The following USP3 variants were observed in gnomAD, a reference collection of about 807,000 sequenced individuals.
USP3 encodes the protein ubiquitin specific peptidase 3, also known as ubiquitin carboxyl-terminal hydrolase 3.
Under a neutral mutation model 72.3 loss-of-function variants are expected in USP3, and 20 were observed. The ratio of observed to expected loss-of-function variants is 0.28; its 90% CI spans 0.19 to 0.40. The LOEUF (loss-of-function observed/expected upper bound fraction) is 0.40, where lower values mean the gene tolerates loss of function less well. Ranked by LOEUF, USP3 falls within the 10% of genes least tolerant of loss-of-function variation. The probability of loss-of-function intolerance (pLI) is 1.00; values close to 1 mark genes in which losing one functional copy is unlikely to be tolerated. For synonymous variants in USP3, 222 were observed against 225.3 expected, an observed-to-expected ratio of 0.99 and a Z score of 0.13; for missense variants, 479 against 633.9, an observed-to-expected ratio of 0.76 and a Z score of 2.62.
At chr15:63,505,484 C>T (rs1035280709) in intron 1 of USP3, among the ~76,000 whole-genome samples, 7 of 152,214 alleles carry the variant, frequency 4.6e-5, no homozygotes, top group African/African-American at 1.7e-4. Flanking sequence ...CTGAGAAGCT[C>T]GGAGGCTGAG....
intron 1 of USP3, chr15:63,515,485 T>G (rs766178569): frequency 6.6e-6 from 1 of 152,178 alleles, no homozygotes; most frequent in African/African-American, 2.4e-5. Context: ...CAGATGCCCC[T>G]CTCTTCTTTG....
Position 63,528,908 on chromosome 15 carries a change from C to T in USP3, c.92-3739C>T, listed in dbSNP as rs2066024709. ...ATTTGTCCTGGGTACATTAAAGGTT[C>T]TTAATTTGGATGAAGCATGTATAAA... On this transcript the variant is annotated intron_variant, in intron 1 of 14. Transcript: ENST00000380324. The surrounding 1 kb of genome is among the most constrained non-coding windows in gnomAD (Gnocchi z 4.3). The T allele has an allele frequency of 1.2e-6, 1 of 838,352 alleles. No individual in the cohort carries two copies. The highest frequency in any genetic ancestry group is 3.5e-5 in the Admixed American group (1 of 28,868). 51.9% of individuals were successfully genotyped at this position (838,352 alleles called of 1,614,324 possible). A position where few individuals can be genotyped will look rare whatever the true frequency, so the allele number is the denominator to read the frequency against.
At chr15:63,523,970 C>T (rs560944516) in intron 1 of USP3, among the ~76,000 whole-genome samples, 1 of 152,150 alleles carries the variant, frequency 6.6e-6, no homozygotes, top group African/African-American at 2.4e-5. Context: ...ATTTCTGCCA[C>T]TGTTTATGGC....
chr15:63,569,531 A>G (rs28661116), intron 8 of USP3, among the ~76,000 whole-genome samples: 76,124 of 152,058 alleles, frequency 0.5, 19,944 homozygotes, highest in Non-Finnish European at 0.56. Context: ...TCTTAAGATG[A>G]CACCAGAAAA....
chr15:63,558,265 C>T lies in USP3; in HGVS notation c.533+77C>T, dbSNP rs1286591630. On this transcript the variant is annotated intron_variant, in intron 6 of 14. Transcript: ENST00000380324. The stretch of plus-strand genomic sequence containing the variant: ...GGCTCTGGCTCCCTATCTCGTCTGC[C>T]ACTAACTCTAGTCATATGGTTTGGA... 7 of 1,481,786 alleles carry T rather than the reference C, an allele frequency of 4.7e-6. No individual in the cohort carries two copies. The East Asian group carries it at 1.6e-4, about 34-fold the overall frequency. The allele number at this position is 1,481,786 out of a possible 1,614,324, so 91.8% of individuals were successfully genotyped here. A position where few individuals can be genotyped will look rare whatever the true frequency, so the allele number is the denominator to read the frequency against.
At chr15:63,558,013 G>C in intron 5 of USP3, 93 bp from the exon 6 acceptor site, 1 of 1,326,978 alleles carries the variant, frequency 7.5e-7, no homozygotes, top group Non-Finnish European at 1.1e-6. Flanking sequence ...TTGGCTTGGT[G>C]CTAGATTTCA....
At chr15:63,521,814 T>C (rs1201337090) in intron 1 of USP3, among the ~76,000 whole-genome samples, 3 of 152,208 alleles carry the variant, frequency 2.0e-5, no homozygotes, top group Admixed American at 1.3e-4. Flanking sequence ...AAGACAATTA[T>C]ACATGGGATA....
chr15:63,570,629 T>A lies in USP3; in HGVS notation c.908+50T>A, dbSNP rs759076971. ...TTTAGGAGGGCCTCAGACATTTCTT[T>A]TGGTGTTAATTATGTGTTAGATTTA... On this transcript the variant is annotated intron_variant, in intron 9 of 14. Coordinates refer to ENST00000380324, the MANE Select transcript of USP3 (RefSeq NM_006537.4). The surrounding 1 kb of genome is among the most constrained non-coding windows in gnomAD (Gnocchi z 4.4). The A allele has an allele frequency of 1.3e-6, 2 of 1,558,930 alleles. No individual in the cohort carries two copies. The highest frequency in any genetic ancestry group is 2.7e-5 in the African/African-American group (2 of 72,922).
At chr15:63,519,269 C>T (rs2065888136) in intron 1 of USP3, among the ~76,000 whole-genome samples, 1 of 151,924 alleles carries the variant, frequency 6.6e-6, no homozygotes, top group South Asian at 2.1e-4. Context: ...GTTGTCATAG[C>T]TCTTTAGTTT....
chr15:63,585,519 C>T (rs558315433), intron 11 of USP3, among the ~76,000 whole-genome samples: 91 of 152,094 alleles, frequency 6.0e-4, no homozygotes, highest in Non-Finnish European at 1.1e-3. Flanking sequence ...ACAATGAATA[C>T]ATTGTTAGTG....
chr15:63,515,185 AT>A (rs1407980788), intron 1 of USP3, among the ~76,000 whole-genome samples: 1 of 152,188 alleles, frequency 6.6e-6, no homozygotes, highest in Non-Finnish European at 1.5e-5. Context: ...CAGTTCCAGT[AT>A]TTAAAATGAA....
intron 1 of USP3, among the ~76,000 whole-genome samples, chr15:63,526,010 A>T (rs1218602164): frequency 6.6e-6 from 1 of 152,208 alleles, no homozygotes; most frequent in Non-Finnish European, 1.5e-5. Flanking sequence ...AAAATTTAGA[A>T]TAAGTTCATT....
intron 1 of USP3, among the ~76,000 whole-genome samples, chr15:63,522,890 G>C (rs537022075): frequency 2.0e-5 from 3 of 152,162 alleles, no homozygotes; most frequent in African/African-American, 7.2e-5. Flanking sequence ...TAGTGAACCA[G>C]GATTTAATGT....
Position 63,591,020 on chromosome 15 carries a change from A to AAATCAAAACATCTGCT in USP3, c.*194_*195insAATCAAAACATCTGCT. 1.7e-6 allele frequency: 1 copy of AAATCAAAACATCTGCT among 588,966 alleles called. No individual in the cohort carries two copies. Among genetic ancestry groups the AAATCAAAACATCTGCT allele is most frequent in the Non-Finnish European group, 2.6e-6 (1 of 379,552 alleles). 36.5% of individuals were successfully genotyped at this position (588,966 alleles called of 1,614,324 possible). The stretch of plus-strand genomic sequence containing the variant: ...TGTTGTTCTACCAGAAAACCTCAGC[A>AAATCAAAACATCTGCT]GATGTTTTGATTTGCTGCTTTAGTT... On this transcript the variant is annotated 3_prime_UTR_variant, in exon 15 of 15. Coordinates refer to ENST00000380324, the MANE Select transcript of USP3 (RefSeq NM_006537.4).
At chr15:63,525,274 G>A (rs889956692) in intron 1 of USP3, among the ~76,000 whole-genome samples, 1 of 152,178 alleles carries the variant, frequency 6.6e-6, no homozygotes, top group Admixed American at 6.5e-5. Flanking sequence ...GACCACTTTG[G>A]ATTTGGTGCT....
Position 63,574,573 on chromosome 15 carries a change from A to G in USP3, c.1096+170A>G, listed in dbSNP as rs944183914. On this transcript the variant is annotated intron_variant, in intron 11 of 14. Transcript: ENST00000380324. This position sits in a 1 kb window ranked among gnomAD's most constrained non-coding sequence, Gnocchi z 4.6. ...CCTACTCCCCAAAATGTTATTGAAT[A>G]AGAATGTGTGCCATAAGATATTGTG... Among the ~76,000 whole-genome samples, 4 of 152,226 alleles carry G rather than the reference A, an allele frequency of 2.6e-5. No homozygotes were observed. The highest frequency in any genetic ancestry group is 6.5e-5 in the Admixed American group (1 of 15,280).
intron 4 of USP3, among the ~76,000 whole-genome samples, chr15:63,554,387 T>C (rs972768148): frequency 1.3e-5 from 2 of 152,208 alleles, no homozygotes; most frequent in African/African-American, 2.4e-5. Context: ...CAGACTTTTA[T>C]TGGTATAGTC....
chr15:63,510,058 C>T (rs2065761897), intron 1 of USP3, among the ~76,000 whole-genome samples: 1 of 152,138 alleles, frequency 6.6e-6, no homozygotes. Context: ...GCTTGTACAC[C>T]ATTAGCCTTA....
At chr15:63,511,271 A>AAAAAAAAAAGAAAG (rs2065777432) in intron 1 of USP3, among the ~76,000 whole-genome samples, 2 of 146,384 alleles carry the variant, frequency 1.4e-5, no homozygotes, top group Admixed American at 6.7e-5. Context: ...TTTCTTAAAA[A>AAAAAAAAAAGAAAG]AAAAAAAAAA....
Sources: allele counts gnomAD v4.1 joint callset (sites outside exome capture counted in the v4.1 genomes callset), GRCh38; gene constraint gnomAD v4.1.1; non-coding constraint Gnocchi (gnomAD v3.1); transcripts MANE v1.5; gene names NCBI Gene and HGNC (gene_info 2026-07-23, HGNC 2026-07-21).